UBR2: variants seen among roughly 807,000 people sequenced by gnomAD.
The protein encoded by UBR2 is ubiquitin protein ligase E3 component n-recognin 2.
UBR2 carries 92 observed loss-of-function variants against 247.9 expected under a neutral mutation model. The ratio of observed to expected loss-of-function variants is 0.37; its 90% CI spans 0.31 to 0.44. The LOEUF is 0.44. Among genes scored for constraint, UBR2 ranks in the 20% least tolerant of loss-of-function variants. The pLI is 1.00. For synonymous variants in UBR2, 672 were observed against 693.5 expected, an observed-to-expected ratio of 0.97 and a Z score of 0.49; for missense variants, 1,613 against 2,112.6, an observed-to-expected ratio of 0.76 and a Z score of 4.64.
At chr6:42,640,422 G>T (rs1264435270) in intron 16 of UBR2, 152 bp downstream of exon 16, 1 of 317,114 alleles carries the variant, frequency 3.2e-6, no homozygotes, top group Admixed American at 5.1e-5. Flanking sequence ...GTGTGTGTGT[G>T]TGTGTGTGTG....
At chr6:42,572,456 A>T (rs1582418349) in intron 1 of UBR2, among the ~76,000 whole-genome samples, 2 of 125,094 alleles carry the variant, frequency 1.6e-5, no homozygotes, top group Non-Finnish European at 3.3e-5. Flanking sequence ...ACTTGAACAT[A>T]CTTTTTTTTT....
In UBR2 at chr6:42,635,546, T is replaced by C; in HGVS notation, c.1674T>C (p.Asp558=). 4 of 1,604,128 alleles carry C rather than the reference T, an allele frequency of 2.5e-6. No individual in the cohort carries two copies. Among genetic ancestry groups the C allele is most frequent in the Non-Finnish European group, 3.4e-6 (4 of 1,172,022 alleles). The change falls in exon 14 of 47, where the codon GAT becomes GAC. Residue 558 remains aspartate, a splice_region_variant and synonymous_variant. Coordinates refer to ENST00000372901, the MANE Select transcript of UBR2 (RefSeq NM_001363705.2). ...TGATGCAGGACTGGTGTGCTTCAGA[T>C]GTGAGTTTCTTCTGGGTGCGGGGAA... ...ISMMQDWCAS[D]EKVLIEAYKK...
At chr6:42,614,328 G>GTATGTGTGTATGTA (rs1554250278) in intron 8 of UBR2, among the ~76,000 whole-genome samples, 1 of 137,170 alleles carries the variant, frequency 7.3e-6, no homozygotes, top group Non-Finnish European at 1.5e-5. Flanking sequence ...GTATATATGT[G>GTATGTGTGTATGTA]TATATGTGTA....
chr6:42,584,150 C>T (rs1792099154), intron 2 of UBR2, among the ~76,000 whole-genome samples: 1 of 151,916 alleles, frequency 6.6e-6, no homozygotes, highest in Non-Finnish European at 1.5e-5. Flanking sequence ...GCATGCACCA[C>T]CATGCCCAGC....
At chr6:42,651,543 G>T (rs1797112900) in intron 23 of UBR2, among the ~76,000 whole-genome samples, 1 of 151,878 alleles carries the variant, frequency 6.6e-6, no homozygotes, top group African/African-American at 2.4e-5. Context: ...TGTTACCCAG[G>T]CTGGAGTGCA....
intron 22 of UBR2, among the ~76,000 whole-genome samples, chr6:42,648,880 C>T (rs530236287): frequency 6.5e-4 from 99 of 152,060 alleles, no homozygotes; most frequent in Admixed American, 1.1e-3. Flanking sequence ...TTCGTATTTA[C>T]TATTCTATAA....
At chr6:42,586,843 A>G (rs1219683681) in intron 2 of UBR2, among the ~76,000 whole-genome samples, 3 of 49,238 alleles carry the variant, frequency 6.1e-5, no homozygotes, top group African/African-American at 3.7e-4. Flanking sequence ...TTTTTTTGAG[A>G]CAGAGTCTCA....
intron 39 of UBR2, 57 bp downstream of exon 39, chr6:42,676,248 TAAA>T (rs1798714983): frequency 2.7e-5 from 40 of 1,492,018 alleles, no homozygotes; most frequent in Non-Finnish European, 3.6e-5. Context: ...TTCTGAGTTT[TAAA>T]AAAAGTATTA....
intron 44 of UBR2, among the ~76,000 whole-genome samples, chr6:42,686,784 G>A (rs1370655049): frequency 2.0e-5 from 3 of 151,062 alleles, no homozygotes; most frequent in East Asian, 2.0e-4. Context: ...GCTGCTGGGC[G>A]GAGACGCTCC....
chr6:42,658,131 A>C lies in UBR2; in HGVS notation c.2980A>C (p.Lys994Gln). 1 of 1,613,704 alleles carries C rather than the reference A, an allele frequency of 6.2e-7. No homozygotes were observed. Among genetic ancestry groups the C allele is most frequent in the Non-Finnish European group, 8.5e-7 (1 of 1,179,734 alleles). The change falls in exon 27 of 47, where the codon AAG becomes CAG. Residue 994 changes from lysine (K) to glutamine (Q), a missense_variant and splice_region_variant. This residue lies in a region of UBR2 where 1,524 missense variants were observed against 1,967.3 expected (regional missense o/e 0.77). Coordinates refer to ENST00000372901, the MANE Select transcript of UBR2 (RefSeq NM_001363705.2). Reference protein sequence around the residue: ...VHKDMIRWILKTFNAVKKMRE... With the variant: ...VHKDMIRWILQTFNAVKKMRE... ...CAAAGACATGATTCGGTGGATATTGAAGGTAAAATTTCCACATTCCTCTGC... is the reference window on the plus strand; with the variant it reads ...CAAAGACATGATTCGGTGGATATTGCAGGTAAAATTTCCACATTCCTCTGC...
At chr6:42,687,380 A>G (rs1239745473) in intron 44 of UBR2, among the ~76,000 whole-genome samples, 2 of 152,198 alleles carry the variant, frequency 1.3e-5, no homozygotes, top group African/African-American at 2.4e-5. Flanking sequence ...GGCACTGGGC[A>G]GGCTGAGACA....
intron 38 of UBR2, among the ~76,000 whole-genome samples, chr6:42,675,584 A>G (rs928436761): frequency 6.6e-6 from 1 of 152,146 alleles, no homozygotes; most frequent in South Asian, 2.1e-4. Flanking sequence ...GTCCTATTGG[A>G]TTTTCCAACA....
intron 36 of UBR2, among the ~76,000 whole-genome samples, chr6:42,671,805 A>G (rs1454006184): frequency 6.6e-6 from 1 of 151,396 alleles, no homozygotes; most frequent in Non-Finnish European, 1.5e-5. Context: ...GCCATCTAAT[A>G]CTCTTCCCTG....
At chr6:42,647,942 T>C (rs1028606071) in intron 21 of UBR2, among the ~76,000 whole-genome samples, 176 bp from the exon 22 acceptor site, 5 of 152,200 alleles carry the variant, frequency 3.3e-5, no homozygotes, top group African/African-American at 1.2e-4. Context: ...GCTTGCCGAG[T>C]AAGTATGTCT....
At chr6:42,646,606 G>A (rs890976162) in intron 21 of UBR2, among the ~76,000 whole-genome samples, 1 of 152,060 alleles carries the variant, frequency 6.6e-6, no homozygotes, top group Non-Finnish European at 1.5e-5. Flanking sequence ...GCAGGATGTG[G>A]AATGCTACTG....
At position 42,661,180 on chromosome 6, in the gene UBR2, C is replaced by T. The variant is rs115146249; in HGVS notation, c.3443-1004C>T. 7.0e-3 allele frequency among the ~76,000 whole-genome samples: 1,063 copies of T among 151,710 alleles called. 7 individuals carry two copies. The highest frequency in any genetic ancestry group is 0.023 in the African/African-American group (946 of 41,306). On this transcript the variant is annotated intron_variant, in intron 30 of 46. Transcript: ENST00000372901. ...GGCGTGGTGGCAGTTACCTGCTACT[C>T]GGGAGGCTGAGGCAGGAGAATGGCG...
chr6:42,626,478 C>T (rs981060282), intron 11 of UBR2, among the ~76,000 whole-genome samples: 1 of 152,174 alleles, frequency 6.6e-6, no homozygotes, highest in Non-Finnish European at 1.5e-5. Context: ...TCTCTTGTGT[C>T]TGCTGTCCTC....
At chr6:42,600,319 G>A (rs929672629) in intron 4 of UBR2, among the ~76,000 whole-genome samples, 2 of 147,536 alleles carry the variant, frequency 1.4e-5, no homozygotes, top group Non-Finnish European at 3.0e-5. Flanking sequence ...ACCAACAGAT[G>A]AACATTCTGT....
intron 30 of UBR2, among the ~76,000 whole-genome samples, chr6:42,660,406 C>T (rs562011605): frequency 1.3e-5 from 2 of 152,184 alleles, no homozygotes; most frequent in African/African-American, 4.8e-5. Flanking sequence ...AGATCCAGTC[C>T]GCACATGATT....
Sources: allele counts gnomAD v4.1 joint callset (sites outside exome capture counted in the v4.1 genomes callset), GRCh38; gene constraint gnomAD v4.1.1; regional missense constraint gnomAD v4.1.1; transcripts MANE v1.5; gene names NCBI Gene and HGNC (gene_info 2026-07-23, HGNC 2026-07-21).